The following NOL4 variants were observed in gnomAD, a reference collection of about 807,000 sequenced individuals.
NOL4 encodes cancer/testis antigen 125.
In NOL4, 17 loss-of-function variants were observed where a neutral mutation model predicts 75.9. That is an observed-to-expected ratio of 0.22 (90% CI 0.15 to 0.34). NOL4 has a LOEUF of 0.34. NOL4 is among the 10% of genes least tolerant of loss of function. The pLI is 1.00. For missense variants in NOL4, 614 were observed against 793.5 expected, an observed-to-expected ratio of 0.77 and a Z score of 2.72; for synonymous variants, 292 against 289.9, an observed-to-expected ratio of 1.01 and a Z score of -0.07.
At chr18:34,076,058 A>G (rs1226710190) in intron 5 of NOL4, among the ~76,000 whole-genome samples, 1 of 152,182 alleles carries the variant, frequency 6.6e-6, no homozygotes, top group Non-Finnish European at 1.5e-5. Context: ...TTTAAATACT[A>G]TCATAGGTGA....
chr18:34,049,281 C>T (rs560279645), intron 5 of NOL4, among the ~76,000 whole-genome samples: 6 of 151,208 alleles, frequency 4.0e-5, no homozygotes, highest in East Asian at 3.9e-4. Flanking sequence ...TAATTATAAC[C>T]GGAATTTAAG....
chr18:34,089,414 G>C (rs2078400250), intron 5 of NOL4, among the ~76,000 whole-genome samples: 1 of 152,160 alleles, frequency 6.6e-6, no homozygotes, highest in Admixed American at 6.5e-5. Flanking sequence ...TGGCTGCAGA[G>C]AACAGAGTTT....
intron 10 of NOL4, among the ~76,000 whole-genome samples, chr18:33,860,221 A>T (rs1218030851): frequency 2.0e-5 from 3 of 152,062 alleles, no homozygotes; most frequent in Admixed American, 2.0e-4. Context: ...ACACATGGGG[A>T]TAATGGGAAT....
intron 6 of NOL4, among the ~76,000 whole-genome samples, chr18:34,018,381 A>G (rs1316552223): frequency 6.6e-6 from 1 of 152,150 alleles, no homozygotes; most frequent in African/African-American, 2.4e-5. Flanking sequence ...AAGAGGATAA[A>G]ACAACACACC....
At chr18:33,917,095 A>C (rs1423412408) in intron 9 of NOL4, among the ~76,000 whole-genome samples, 1 of 152,172 alleles carries the variant, frequency 6.6e-6, no homozygotes, top group Non-Finnish European at 1.5e-5. Context: ...TACAACTATC[A>C]GCAAGGTAAT....
At chr18:34,134,477 C>T (rs78127963) in intron 1 of NOL4, among the ~76,000 whole-genome samples, 8 of 118,842 alleles carry the variant, frequency 6.7e-5, no homozygotes, top group African/African-American at 1.5e-4. Flanking sequence ...CACACACACA[C>T]ACACACACAC....
intron 10 of NOL4, among the ~76,000 whole-genome samples, chr18:33,858,572 G>A (rs1311882976): frequency 6.6e-6 from 1 of 151,680 alleles, no homozygotes; most frequent in East Asian, 1.9e-4. Flanking sequence ...AATATACATT[G>A]CTAGATTCAA....
At chr18:34,016,633 C>A (rs1273058987) in intron 6 of NOL4, among the ~76,000 whole-genome samples, 3 of 152,104 alleles carry the variant, frequency 2.0e-5, no homozygotes, top group Non-Finnish European at 4.4e-5. Context: ...CCATTCCACA[C>A]TCACCTCTGG....
intron 10 of NOL4, among the ~76,000 whole-genome samples, chr18:33,879,382 T>G (rs796885764): frequency 4.6e-5 from 7 of 152,088 alleles, no homozygotes; most frequent in African/African-American, 1.7e-4. Flanking sequence ...TATATAAAGG[T>G]ATTTCCTGGC....
chr18:34,084,870 C>T (rs1042720675), intron 5 of NOL4, among the ~76,000 whole-genome samples: 4 of 152,102 alleles, frequency 2.6e-5, no homozygotes, highest in East Asian at 1.9e-4. Context: ...GCTTCAAAGC[C>T]CTACTAAACA....
intron 1 of NOL4, among the ~76,000 whole-genome samples, chr18:34,150,538 A>G (rs2081596228): frequency 6.6e-6 from 1 of 151,704 alleles, no homozygotes; most frequent in African/African-American, 2.4e-5. Context: ...GCACGTGTGG[A>G]AAAAAGGAGT....
intron 2 of NOL4, among the ~76,000 whole-genome samples, chr18:34,106,014 A>G (rs78215717): frequency 0.032 from 4,809 of 152,192 alleles, 78 homozygotes; most frequent in Middle Eastern, 0.048. Context: ...AGACAGTGCT[A>G]CTAAGAAGTC....
chr18:34,210,338 CT>C (rs1201221384), intron 1 of NOL4, among the ~76,000 whole-genome samples: 1 of 152,156 alleles, frequency 6.6e-6, no homozygotes, highest in Non-Finnish European at 1.5e-5. Context: ...TCGAAGTTCT[CT>C]TTTTTTCCCA....
chr18:34,115,710 C>T (rs1444464088), intron 2 of NOL4, among the ~76,000 whole-genome samples: 8 of 152,196 alleles, frequency 5.3e-5, no homozygotes, highest in East Asian at 1.9e-4. Flanking sequence ...CCCTGAAGAA[C>T]GGTAACCCTT....
In NOL4 at chr18:34,024,051, C is replaced by T. The variant is rs923537965; in HGVS notation, c.773-4450G>A. 2.0e-5 allele frequency among the ~76,000 whole-genome samples: 3 copies of T among 150,894 alleles called. No homozygotes were observed. In the East Asian group the frequency reaches 5.8e-4, roughly 29 times the overall value. ...ATATTATGTTAATGTATATGTGTAC[C>T]TGTGTGTGTATTTAAGTGTGTGTGT... On this transcript the variant is annotated intron_variant, in intron 5 of 10. Transcript: ENST00000261592.
intron 2 of NOL4, among the ~76,000 whole-genome samples, chr18:34,114,215 A>G (rs765289113): frequency 6.6e-6 from 1 of 152,222 alleles, no homozygotes; most frequent in Non-Finnish European, 1.5e-5. Context: ...ACAGTACAGA[A>G]CATTTTCTAG....
At chr18:34,214,960 GTTCAA>G (rs1336928601) in intron 1 of NOL4, among the ~76,000 whole-genome samples, 3 of 152,110 alleles carry the variant, frequency 2.0e-5, no homozygotes, top group African/African-American at 7.2e-5. Context: ...ATCTAAAGTA[GTTCAA>G]TTCATATAAT....
intron 1 of NOL4, among the ~76,000 whole-genome samples, chr18:34,200,122 CAT>C (rs1185859195): frequency 2.6e-5 from 4 of 151,794 alleles, no homozygotes; most frequent in Admixed American, 6.6e-5. Flanking sequence ...GAGAAATAAA[CAT>C]GTTACTTTTT....
chr18:34,167,620 A>G (rs1401871856), intron 1 of NOL4, among the ~76,000 whole-genome samples: 1 of 152,064 alleles, frequency 6.6e-6, no homozygotes, highest in East Asian at 1.9e-4. Context: ...CACATTTTAA[A>G]TGTATTGTTA....
Sources: allele counts gnomAD v4.1 joint callset (sites outside exome capture counted in the v4.1 genomes callset), GRCh38; gene constraint gnomAD v4.1.1; transcripts MANE v1.5; gene names NCBI Gene and HGNC (gene_info 2026-07-23, HGNC 2026-07-21).